Variants in HMCN1 observed in about 807,000 individuals in gnomAD.
HMCN1 encodes hemicentin-1.
Under a neutral mutation model 625.9 loss-of-function variants are expected in HMCN1, and 321 were observed. That is an observed-to-expected ratio of 0.51 (90% CI 0.47 to 0.56). The LOEUF is 0.56. Ranked by LOEUF, HMCN1 falls within the 20% of genes least tolerant of loss-of-function variation. HMCN1 has a pLI of 0.00. For synonymous variants in HMCN1, 2,425 were observed against 2,417.6 expected (o/e 1.00, Z -0.09); for missense variants, 6,588 against 6,887.3 (o/e 0.96, Z 1.54).
intron 10 of HMCN1, among the ~76,000 whole-genome samples, chr1:185,933,341 T>A (rs1174730978): frequency 6.6e-6 from 1 of 152,192 alleles, no homozygotes; most frequent in East Asian, 1.9e-4. Flanking sequence ...TATCCTTTGG[T>A]ATGTAAATGT....
chr1:185,747,907 G>C (rs16824414), intron 1 of HMCN1, among the ~76,000 whole-genome samples: 2,495 of 152,214 alleles, frequency 0.016, 55 homozygotes, highest in African/African-American at 0.054. Flanking sequence ...AGGCTGTAAG[G>C]CATGCTGATT....
intron 1 of HMCN1, among the ~76,000 whole-genome samples, chr1:185,740,484 T>A (rs188125787): frequency 3.3e-4 from 50 of 152,232 alleles, no homozygotes; most frequent in African/African-American, 9.4e-4. Flanking sequence ...GCTTGACTGA[T>A]GCTATGGTTT....
chr1:185,987,375 G>C, intron 19 of HMCN1, 57 bp from the exon 20 acceptor site: 1 of 1,027,100 alleles, frequency 9.7e-7, no homozygotes, highest in Non-Finnish European at 1.6e-6. Context: ...ACTTTAAATA[G>C]ATGATTTTAA....
intron 65 of HMCN1, 63 bp downstream of exon 65, chr1:186,093,321 A>G: frequency 6.2e-6 from 10 of 1,605,100 alleles, no homozygotes; most frequent in Non-Finnish European, 8.5e-6. Context: ...GTAGAAGTGA[A>G]GGCCCAGCAG....
At chr1:186,106,691 A>G (rs1415392467) in intron 69 of HMCN1, among the ~76,000 whole-genome samples, 193 bp from the exon 70 acceptor site, 1 of 152,200 alleles carries the variant, frequency 6.6e-6, no homozygotes, top group East Asian at 1.9e-4. Context: ...AAATCCTGTT[A>G]AAACATAGGT....
intron 2 of HMCN1, among the ~76,000 whole-genome samples, chr1:185,861,523 A>G (rs1347079940): frequency 6.6e-6 from 1 of 152,224 alleles, no homozygotes; most frequent in Admixed American, 6.5e-5. Flanking sequence ...AATATACAAT[A>G]GGAATTTAAA....
At chr1:185,902,076 T>TA (rs1665834540) in intron 4 of HMCN1, among the ~76,000 whole-genome samples, 1 of 151,716 alleles carries the variant, frequency 6.6e-6, no homozygotes, top group African/African-American at 2.4e-5. Flanking sequence ...TGTAATACTT[T>TA]AGCTCATAGT....
chr1:186,048,125 A>G (rs1329779030), intron 41 of HMCN1, among the ~76,000 whole-genome samples: 1 of 152,124 alleles, frequency 6.6e-6, no homozygotes, highest in Non-Finnish European at 1.5e-5. Context: ...ATGTGACATT[A>G]TATCTCTTTA....
chr1:185,960,685 A>G (rs1649949849), intron 11 of HMCN1, among the ~76,000 whole-genome samples: 1 of 152,234 alleles, frequency 6.6e-6, no homozygotes, highest in Admixed American at 6.5e-5. Flanking sequence ...CTGGCAGACT[A>G]CATTGGAAGA....
In HMCN1 at chr1:185,943,625, T is replaced by A. The variant is rs552246106; in HGVS notation, c.1828+9801T>A. Among the ~76,000 whole-genome samples, 10 of 152,294 alleles carry A rather than the reference T, an allele frequency of 6.6e-5. No homozygotes were observed. The East Asian group carries it at 1.9e-3, about 29-fold the overall frequency. ...CATGCCCTCTTCAGCCATTACACCC[T>A]CCCAGCACCTCAATGTGTTCAACAG... On this transcript the variant is annotated intron_variant, in intron 11 of 106. Transcript: ENST00000271588.
At position 186,053,805 on chromosome 1, in the gene HMCN1, C is replaced by T. The variant is rs1657127499; in HGVS notation, c.6701-20C>T. On this transcript the variant is annotated intron_variant, in intron 43 of 106. Transcript: ENST00000271588. ...CTTTACATTTCTGCCTCATATTCTGCCATTTGGACTTCTTTGTAGGCTCTC... is the reference window on the plus strand; with the variant it reads ...CTTTACATTTCTGCCTCATATTCTGTCATTTGGACTTCTTTGTAGGCTCTC... The T allele has an allele frequency of 2.5e-6, 4 of 1,611,498 alleles. No homozygotes were observed. Among genetic ancestry groups the T allele is most frequent in the East Asian group, 2.2e-5 (1 of 44,728 alleles).
At chr1:185,888,469 T>C (rs1664820717) in intron 4 of HMCN1, among the ~76,000 whole-genome samples, 1 of 143,282 alleles carries the variant, frequency 7.0e-6, no homozygotes, top group Admixed American at 6.7e-5. Flanking sequence ...TTAATCCATC[T>C]TGAATTAATT....
At chr1:186,117,778 A>G (rs1470479544) in intron 77 of HMCN1, among the ~76,000 whole-genome samples, 155 bp downstream of exon 77, 1 of 152,254 alleles carries the variant, frequency 6.6e-6, no homozygotes, top group East Asian at 1.9e-4. Flanking sequence ...ACATATTTTT[A>G]ACATAGAAAG....
chr1:185,977,296 T>C (rs1407096542), intron 15 of HMCN1, among the ~76,000 whole-genome samples: 1 of 152,190 alleles, frequency 6.6e-6, no homozygotes, highest in East Asian at 1.9e-4. Context: ...AACAAGGATA[T>C]AATTTAGGAG....
At chr1:186,182,944 T>C (rs983583284) in intron 105 of HMCN1, among the ~76,000 whole-genome samples, 3 of 152,200 alleles carry the variant, frequency 2.0e-5, no homozygotes, top group African/African-American at 7.2e-5. Flanking sequence ...ATCTCAGTGG[T>C]TCCCTTTTTA....
intron 70 of HMCN1, 75 bp downstream of exon 70, chr1:186,107,040 C>A: frequency 2.3e-6 from 2 of 872,904 alleles, no homozygotes; most frequent in Non-Finnish European, 4.0e-6. Context: ...CACCACAGCA[C>A]ATCACAGGAT....
intron 36 of HMCN1, among the ~76,000 whole-genome samples, chr1:186,029,532 T>C (rs1655279246): frequency 8.9e-6 from 1 of 112,682 alleles, no homozygotes; most frequent in East Asian, 2.5e-4. Context: ...TGTAATCTTC[T>C]CCTAAAGTTT....
At chr1:186,035,829 G>C (rs1235489450) in intron 36 of HMCN1, among the ~76,000 whole-genome samples, 1 of 151,856 alleles carries the variant, frequency 6.6e-6, no homozygotes, top group African/African-American at 2.4e-5. Context: ...ATATTCTTTG[G>C]TAATTACAAA....
At chr1:185,990,221 CTG>C (rs1652326050) in intron 21 of HMCN1, 52 bp from the exon 22 acceptor site, 1 of 1,459,052 alleles carries the variant, frequency 6.9e-7, no homozygotes, top group South Asian at 1.1e-5. Flanking sequence ...GTAAATTAAA[CTG>C]TGCTTTGTTT....
Sources: allele counts gnomAD v4.1 joint callset (sites outside exome capture counted in the v4.1 genomes callset), GRCh38; gene constraint gnomAD v4.1.1; transcripts MANE v1.5; gene names NCBI Gene and HGNC (gene_info 2026-07-23, HGNC 2026-07-21).